The following SERPINB7 variants were observed in gnomAD, a reference collection of about 807,000 sequenced individuals.
The protein encoded by SERPINB7 is serpin family B member 7.
SERPINB7 carries 31 observed loss-of-function variants against 37.4 expected under a neutral mutation model. The observed-to-expected ratio is 0.83, with a 90% confidence interval of 0.62 to 1.12. The LOEUF is 1.12. Ranked by LOEUF, SERPINB7 falls within the 50% of genes most tolerant of loss-of-function variation. The probability of loss-of-function intolerance (pLI) is 0.00; values close to 1 mark genes in which losing one functional copy is unlikely to be tolerated. For synonymous variants in SERPINB7, 163 were observed against 166.1 expected (o/e 0.98, Z 0.14); for missense variants, 521 against 455.3 (o/e 1.14, Z -1.31).
At chr18:63,754,765 G>A (rs2049110821) in intron 1 of SERPINB7, among the ~76,000 whole-genome samples, 1 of 150,070 alleles carries the variant, frequency 6.7e-6, no homozygotes, top group South Asian at 2.1e-4. Context: ...CACCATCACT[G>A]TTTTCACACT....
Position 63,798,631 on chromosome 18 carries a change from G to A in SERPINB7, c.482G>A (p.Gly161Asp). 6.3e-7 allele frequency: 1 copy of A among 1,579,068 alleles called. No individual in the cohort carries two copies. Among genetic ancestry groups the A allele is most frequent in the Non-Finnish European group, 8.6e-7 (1 of 1,163,366 alleles). ...HGKIKNVIGEGGISSSAVMVL... is the reference protein window; with the variant it reads ...HGKIKNVIGEDGISSSAVMVL... ...AAAATCAAGAACGTGATTGGTGAAG[G>A]TGGCATAAGCTCATCTGCTGTAATG... The change falls in exon 6 of 8, where the codon GGT (glycine) becomes GAT (aspartate). Residue 161 changes from glycine (G) to aspartate (D), a missense_variant. Coordinates refer to ENST00000398019, the MANE Select transcript of SERPINB7 (RefSeq NM_003784.4).
upstream of SERPINB7, among the ~76,000 whole-genome samples, chr18:63,772,496 A>G (rs971748813): frequency 2.0e-5 from 3 of 152,154 alleles, no homozygotes; most frequent in Non-Finnish European, 4.4e-5. Flanking sequence ...TAATAAATTT[A>G]AAGGTTTAGA....
In SERPINB7 at chr18:63,764,118, A is replaced by C. The variant is rs182825792; in HGVS notation, c.-19+10998A>C. On this transcript the variant is annotated intron_variant, in intron 1 of 7. Coordinates refer to the SERPINB7 transcript ENST00000336429. ...ACTCAACCTTCAGGGTAAAGAAACA[A>C]ATTTTCCCAAGAGTTGAATTCTTAT... 4.1e-4 allele frequency among the ~76,000 whole-genome samples: 62 copies of C among 152,268 alleles called. No individual in the cohort carries two copies. In the East Asian group the frequency reaches 0.012, roughly 29 times the overall value.
upstream of SERPINB7, among the ~76,000 whole-genome samples, chr18:63,772,939 T>C (rs945273151): frequency 2.6e-5 from 4 of 152,132 alleles, no homozygotes; most frequent in African/African-American, 4.8e-5. Context: ...TGTTATTTAT[T>C]GCCAAGTGAA....
At chr18:63,771,828 T>C (rs2049212972), upstream of SERPINB7, among the ~76,000 whole-genome samples, 1 of 152,074 alleles carries the variant, frequency 6.6e-6, no homozygotes. Context: ...AGTAGCCATA[T>C]TGTCTTCTGA....
chr18:63,764,126 C>T (rs535778545), intron 1 of SERPINB7, among the ~76,000 whole-genome samples: 1 of 152,234 alleles, frequency 6.6e-6, no homozygotes, highest in South Asian at 2.1e-4. Context: ...CAAATTTTCC[C>T]AAGAGTTGAA....
upstream of SERPINB7, among the ~76,000 whole-genome samples, chr18:63,774,101 A>G (rs1034523788): frequency 1.3e-5 from 2 of 151,820 alleles, no homozygotes; most frequent in African/African-American, 4.8e-5. Flanking sequence ...TTTTTTTTAT[A>G]TTAACAACAA....
At chr18:63,762,613 T>TC (rs145310588) in intron 1 of SERPINB7, among the ~76,000 whole-genome samples, 21 of 152,022 alleles carry the variant, frequency 1.4e-4, no homozygotes, top group Non-Finnish European at 2.4e-4. Flanking sequence ...TTGCCTTATT[T>TC]CCCCCCCATG....
upstream of SERPINB7, chr18:63,775,352 A>C (rs1332227277): frequency 6.6e-6 from 1 of 152,176 alleles, no homozygotes; most frequent in Non-Finnish European, 1.5e-5. Context: ...AATGCTTATA[A>C]GATTCTTGAG....
chr18:63,793,452 C>A (rs1282164295), intron 4 of SERPINB7, among the ~76,000 whole-genome samples, 175 bp downstream of exon 4: 1 of 152,134 alleles, frequency 6.6e-6, no homozygotes, highest in Non-Finnish European at 1.5e-5. Flanking sequence ...CAACTTTTTA[C>A]CCAATTAATC....
rs71162676 is a variant in SERPINB7, at chr18:63,754,880, CTTTTTTTTTTTTTT to C, written c.-19+1777_-19+1790del. On this transcript the variant is annotated intron_variant, in intron 1 of 7. Coordinates refer to the SERPINB7 transcript ENST00000336429. ...TGCCCAGCATTGTTTAAACTGAGGT[CTTTTTTTTTTTTTT>C]TTTTTTTTTTTTTTTTGAGACGGAG... is the stretch of plus-strand genomic sequence containing the variant. 7.6e-4 allele frequency among the ~76,000 whole-genome samples: 44 copies of C among 57,984 alleles called. 1 individual carries two copies. Among genetic ancestry groups the C allele is most frequent in the Admixed American group, 2.9e-4 (1 of 3,408 alleles). The allele number at this position is 57,984 out of a possible 152,430, so 38.0% of individuals were successfully genotyped here. A position where few individuals can be genotyped will look rare whatever the true frequency, so the allele number is the denominator to read the frequency against.
intron 2 of SERPINB7, among the ~76,000 whole-genome samples, chr18:63,785,493 T>G (rs1165733921): frequency 6.6e-6 from 1 of 152,184 alleles, no homozygotes; most frequent in Non-Finnish European, 1.5e-5. Context: ...TTATCTTAGC[T>G]CCAAAAGGAG....
At chr18:63,753,485 C>T (rs2049103699) in intron 1 of SERPINB7, among the ~76,000 whole-genome samples, 1 of 152,178 alleles carries the variant, frequency 6.6e-6, no homozygotes, top group Non-Finnish European at 1.5e-5. Flanking sequence ...TACAAGATAG[C>T]TCATACACCA....
At chr18:63,786,956 AT>A (rs1193950259) in intron 2 of SERPINB7, among the ~76,000 whole-genome samples, 1 of 151,782 alleles carries the variant, frequency 6.6e-6, no homozygotes, top group Non-Finnish European at 1.5e-5. Context: ...TGGATTTTGG[AT>A]TTTTTCCCAT....
At chr18:63,789,270 T>G (rs2049402809) in intron 2 of SERPINB7, among the ~76,000 whole-genome samples, 1 of 152,198 alleles carries the variant, frequency 6.6e-6, no homozygotes, top group Non-Finnish European at 1.5e-5. Flanking sequence ...AAGTTCAAGC[T>G]GGCCACTGCT....
intron 2 of SERPINB7, among the ~76,000 whole-genome samples, chr18:63,788,607 C>T (rs138613802): frequency 0.019 from 2,893 of 152,294 alleles, 36 homozygotes; most frequent in Middle Eastern, 0.034. Context: ...AAGTCTACAG[C>T]GGTGTACAGT....
rs774934368 is a variant in SERPINB7, at chr18:63,782,352, T to C, written c.-18-3T>C. 3 of 1,586,704 alleles carry C rather than the reference T, an allele frequency of 1.9e-6. No individual in the cohort carries two copies. The African/African-American group carries it at 4.0e-5, about 21-fold the overall frequency. On this transcript the variant is annotated splice_polypyrimidine_tract_variant and splice_region_variant and intron_variant, in intron 1 of 7. Transcript: ENST00000398019. ...CTAATTTCATTTTCTCATTGTCCTC[T>C]AGGCTGCACTCCATTTTGCAATGGC...
chr18:63,758,983 A>G (rs1726742817), intron 1 of SERPINB7, among the ~76,000 whole-genome samples: 1 of 152,152 alleles, frequency 6.6e-6, no homozygotes, highest in African/African-American at 2.4e-5. Context: ...CTAAATGTGG[A>G]CCCACTTCTT....
At chr18:63,794,688 TCAAAAAA>T (rs748233356) in intron 4 of SERPINB7, among the ~76,000 whole-genome samples, 26 of 150,380 alleles carry the variant, frequency 1.7e-4, no homozygotes, top group Non-Finnish European at 3.0e-4. Context: ...AGACTCTGTC[TCAAAAAA>T]CAAAAAACAA....
Sources: allele counts gnomAD v4.1 joint callset (sites outside exome capture counted in the v4.1 genomes callset), GRCh38; gene constraint gnomAD v4.1.1; transcripts MANE v1.5; gene names NCBI Gene and HGNC (gene_info 2026-07-23, HGNC 2026-07-21).